The following RB1 variants were observed in gnomAD, a reference collection of about 807,000 sequenced individuals.
RB1 encodes the protein retinoblastoma-associated protein.
A neutral mutation model predicts 135.4 loss-of-function variants in RB1; 18 were observed. The observed-to-expected ratio is 0.13, with a 90% CI of 0.09 to 0.20. RB1 has a LOEUF of 0.20. Ranked by LOEUF, RB1 falls within the 10% of genes least tolerant of loss-of-function variation. The pLI is 1.00. For missense variants in RB1, 868 were observed against 1,110.0 expected, an observed-to-expected ratio of 0.78 and a Z score of 3.10; for synonymous variants, 365 against 373.2, an observed-to-expected ratio of 0.98 and a Z score of 0.25.
At chr13:48,416,869 T>C in intron 17 of RB1, among the ~76,000 whole-genome samples, 1 of 151,696 alleles carries the variant, frequency 6.6e-6, no homozygotes. Flanking sequence ...TTCTCTAGAG[T>C]CCTCCTCTCT....
At chr13:48,383,765 G>A (rs1026479248) in intron 17 of RB1, among the ~76,000 whole-genome samples, 8 of 151,998 alleles carry the variant, frequency 5.3e-5, no homozygotes, top group African/African-American at 1.9e-4. Context: ...GGGTAATTAA[G>A]TGAAAGTAAA....
Position 48,303,950 on chromosome 13 carries a change from C to G in RB1, c.38C>G (p.Ala13Gly). 2 of 1,503,506 alleles carry G rather than the reference C, an allele frequency of 1.3e-6. No homozygotes were observed. Among genetic ancestry groups the G allele is most frequent in the Non-Finnish European group, 1.8e-6 (2 of 1,136,270 alleles). The allele number at this position is 1,503,506 out of a possible 1,614,324, so 93.1% of individuals were successfully genotyped here. ...PKTPRKTAAT[A>G]AAAAAEPPAP... ...ACCCCCCGAAAAACGGCCGCCACCG[C>G]CGCCGCTGCCGCCGCGGAACCCCCG... The change falls in exon 1 of 27, where the codon GCC (alanine) becomes GGC (glycine). Residue 13 changes from alanine to glycine, a missense_variant. Physicochemically the swap from Ala to Gly is moderately conservative, Grantham distance 60 (BLOSUM62 0). Transcript: ENST00000267163.
chr13:48,311,135 T>C (rs534682714), intron 2 of RB1, among the ~76,000 whole-genome samples: 1 of 152,282 alleles, frequency 6.6e-6, no homozygotes, highest in South Asian at 2.1e-4. Flanking sequence ...ATTGGTTAAT[T>C]CTGTGAGTCT....
rs1245341503 is a variant in RB1 at position 48,480,014 on chromosome 13, A to G, written c.2730A>G (p.Arg910=). ...KLAEMTSTRT[R]MQKQKMNDSM... ...TTTTTCCAGCTTCTACTCGAACACGAATGCAAAAGCAGAAAATGAATGATA... is the reference window on the plus strand; with the variant it reads ...TTTTTCCAGCTTCTACTCGAACACGGATGCAAAAGCAGAAAATGAATGATA... Residue 910 remains arginine, a synonymous_variant, in exon 27 of 27, where the codon CGA becomes CGG. Coordinates refer to ENST00000267163, the MANE Select transcript of RB1 (RefSeq NM_000321.3). 6.2e-7 allele frequency: 1 copy of G among 1,613,426 alleles called. No homozygotes were observed. Among genetic ancestry groups the G allele is most frequent in the Admixed American group, 1.7e-5 (1 of 59,966 alleles).
chr13:48,358,402 T>C (rs1348628896), intron 6 of RB1, among the ~76,000 whole-genome samples: 1 of 152,136 alleles, frequency 6.6e-6, no homozygotes, highest in Non-Finnish European at 1.5e-5. Flanking sequence ...GCACTTAATC[T>C]GTGACTTGTT....
rs567353060 is a variant in RB1 at position 48,449,618 on chromosome 13, TG to T, written c.1696-3372del. ...ACAAAAAAAATTTCAGAAAATTAGC[TG>T]GGCACCATGGCGCATTCCTATAGTC... On this transcript the variant is annotated intron_variant, in intron 17 of 26. Transcript: ENST00000267163. 1.0e-3 allele frequency among the ~76,000 whole-genome samples: 159 copies of T among 152,238 alleles called. 1 individual carries two copies. The highest frequency in any genetic ancestry group is 4.5e-3 in the Admixed American group (69 of 15,294).
chr13:48,319,384 C>T lies in RB1; in HGVS notation c.264+11978C>T. 2.3e-6 allele frequency: 1 copy of T among 437,780 alleles called. No individual in the cohort carries two copies. The highest frequency in any genetic ancestry group is 4.3e-6 in the Non-Finnish European group (1 of 234,814). 27.1% of individuals were successfully genotyped at this position (437,780 alleles called of 1,614,324 possible). A position where few individuals can be genotyped will look rare whatever the true frequency, so the allele number is the denominator to read the frequency against. On this transcript the variant is annotated intron_variant, in intron 2 of 26. Coordinates refer to ENST00000267163, the MANE Select transcript of RB1 (RefSeq NM_000321.3). The surrounding 1 kb of genome is among the most constrained non-coding windows in gnomAD (Gnocchi z 5.0). ...AGCTAGTACACCTGGATGGCCTCCT[C>T]AGTGCCGTCGTTGCTGCTGGAGTCT...
At chr13:48,336,857 G>A (rs950987453) in intron 2 of RB1, among the ~76,000 whole-genome samples, 1 of 152,108 alleles carries the variant, frequency 6.6e-6, no homozygotes, top group Non-Finnish European at 1.5e-5. Context: ...CTTTACATGT[G>A]TCCCAGAGAT....
At chr13:48,342,746 C>T (rs1449445789) in intron 3 of RB1, 32 bp downstream of exon 3, 3 of 1,429,238 alleles carry the variant, frequency 2.1e-6, no homozygotes, top group Non-Finnish European at 3.0e-6. Flanking sequence ...TAAGCCTCTG[C>T]CATAAAAGGA....
intron 19 of RB1, among the ~76,000 whole-genome samples, chr13:48,457,706 C>A (rs996145297): frequency 1.3e-5 from 2 of 152,254 alleles, no homozygotes; most frequent in Non-Finnish European, 2.9e-5. Context: ...CTCGTCAGCG[C>A]CCAAAGTCTG....
intron 18 of RB1, among the ~76,000 whole-genome samples, chr13:48,454,264 T>C (rs1418994838): frequency 6.6e-6 from 1 of 152,212 alleles, no homozygotes; most frequent in Non-Finnish European, 1.5e-5. Flanking sequence ...ATGTGCCTAA[T>C]ATTTTGTTTC....
chr13:48,303,826 G>A lies in RB1; in HGVS notation c.-87G>A. The A allele has an allele frequency of 6.8e-7, 1 of 1,471,828 alleles. No homozygotes were observed. The highest frequency in any genetic ancestry group is 9.0e-7 in the Non-Finnish European group (1 of 1,116,402). 91.2% of individuals were successfully genotyped at this position (1,471,828 alleles called of 1,614,324 possible). ...ATTATTTTTGTAACGGGAGTCGGGAGAGGACGGGGCGTGCCCCGACGTGCG... is the reference window on the plus strand; with the variant it reads ...ATTATTTTTGTAACGGGAGTCGGGAAAGGACGGGGCGTGCCCCGACGTGCG... On this transcript the variant is annotated 5_prime_UTR_variant, in exon 1 of 27. Coordinates refer to ENST00000267163, the MANE Select transcript of RB1 (RefSeq NM_000321.3).
chr13:48,390,270 G>T (rs1419142667), intron 17 of RB1, among the ~76,000 whole-genome samples: 1 of 152,192 alleles, frequency 6.6e-6, no homozygotes, highest in Non-Finnish European at 1.5e-5. Context: ...AAGTTTAATA[G>T]GTGTAGTGGG....
At chr13:48,318,921 C>T in intron 2 of RB1, 3 of 1,180,548 alleles carry the variant, frequency 2.5e-6, no homozygotes, top group Non-Finnish European at 2.5e-6. Flanking sequence ...CTACTGTCGC[C>T]GTCAGAGCGG....
At chr13:48,373,170 AATAAGT>A (rs1952779711) in intron 11 of RB1, among the ~76,000 whole-genome samples, 2 of 152,176 alleles carry the variant, frequency 1.3e-5, no homozygotes, top group African/African-American at 4.8e-5. Flanking sequence ...TTTATTAGTA[AATAAGT>A]ATATCTGTTC....
intron 2 of RB1, among the ~76,000 whole-genome samples, chr13:48,338,566 A>T (rs1264973069): frequency 6.6e-6 from 1 of 152,116 alleles, no homozygotes; most frequent in African/African-American, 2.4e-5. Flanking sequence ...TGGTTATTCT[A>T]GTTGGCCAGT....
intron 6 of RB1, among the ~76,000 whole-genome samples, chr13:48,355,989 G>T (rs1952586204): frequency 1.3e-5 from 2 of 151,888 alleles, no homozygotes; most frequent in Admixed American, 1.3e-4. Context: ...AAATGAATAA[G>T]ACTTTATAGC....
chr13:48,405,126 C>G (rs1477339642), intron 17 of RB1, among the ~76,000 whole-genome samples: 1 of 151,968 alleles, frequency 6.6e-6, no homozygotes, highest in African/African-American at 2.4e-5. Flanking sequence ...ACTGTCACAC[C>G]AGAGCAGAGA....
chr13:48,473,140 C>T (rs1949482519), intron 23 of RB1, among the ~76,000 whole-genome samples: 1 of 152,114 alleles, frequency 6.6e-6, no homozygotes, highest in Admixed American at 6.6e-5. Context: ...TCTTGCAGAC[C>T]TATAACTTTT....
Sources: gnomAD v4.1 joint callset for allele counts (sites outside exome capture counted in the v4.1 genomes callset) on GRCh38, gnomAD v4.1.1 for gene constraint, Gnocchi (gnomAD v3.1) non-coding constraint, MANE v1.5 for transcripts, NCBI Gene and HGNC (gene_info 2026-07-23, HGNC 2026-07-21) for gene names.